ETS2: variants seen among roughly 807,000 people sequenced by gnomAD.
ETS2 encodes protein C-ets-2.
In ETS2, 19 loss-of-function variants were observed where a neutral mutation model predicts 54.9. The observed-to-expected ratio is 0.35, with a 90% CI of 0.24 to 0.51. The LOEUF (loss-of-function observed/expected upper bound fraction) is 0.51. Among genes scored for constraint, ETS2 ranks in the 20% least tolerant of loss-of-function variants. The pLI is 0.97. For missense variants in ETS2, 417 were observed against 593.0 expected, an observed-to-expected ratio of 0.70 and a Z score of 3.08; for synonymous variants, 219 against 229.3, an observed-to-expected ratio of 0.95 and a Z score of 0.41.
intron 9 of ETS2, among the ~76,000 whole-genome samples, chr21:38,822,096 T>G (rs1333621408): frequency 6.6e-6 from 1 of 152,096 alleles, no homozygotes; most frequent in Non-Finnish European, 1.5e-5. Context: ...AGCCCAGCAG[T>G]GTTGACCCCA....
At chr21:38,818,730 T>A (rs563439213) in intron 7 of ETS2, 84 bp downstream of exon 7, 2 of 1,479,468 alleles carry the variant, frequency 1.4e-6, no homozygotes, top group South Asian at 2.3e-5. Flanking sequence ...AATAAATACT[T>A]CCTGGATTCA....
chr21:38,810,221 T>C (rs1482107402), intron 2 of ETS2, 115 bp downstream of exon 2: 4 of 614,210 alleles, frequency 6.5e-6, no homozygotes, highest in Non-Finnish European at 1.1e-5. Context: ...TCTTAATTTA[T>C]TGGCCATGTG....
In ETS2 at chr21:38,810,518, T is replaced by C. The variant is rs150577069; in HGVS notation, c.72+412T>C. ...AGACAGACCCAACCGCTACAGCTCC[T>C]ATCAGAAAGGGCAGCGCCCGTGGAA... On this transcript the variant is annotated intron_variant, in intron 2 of 9. Coordinates refer to ENST00000360938, the MANE Select transcript of ETS2 (RefSeq NM_005239.6). Among the ~76,000 whole-genome samples the C allele has an allele frequency of 4.6e-5, 7 of 152,334 alleles. No individual in the cohort carries two copies. In the East Asian group the frequency reaches 1.4e-3, roughly 29 times the overall value.
rs1601432789 is a variant in ETS2, at chr21:38,821,163, C to G, written c.1076-423C>G. Among the ~76,000 whole-genome samples the G allele has an allele frequency of 1.3e-5, 2 of 152,138 alleles. No homozygotes were observed. The highest frequency in any genetic ancestry group is 6.5e-5 in the Admixed American group (1 of 15,268). On this transcript the variant is annotated intron_variant, in intron 8 of 9. Coordinates refer to ENST00000360938, the MANE Select transcript of ETS2 (RefSeq NM_005239.6). This position sits in a 1 kb window ranked among gnomAD's most constrained non-coding sequence, Gnocchi z 4.2. ...ACACGCCTCATTCTGTGATGAAACA[C>G]CCCCTCAGCCACCCCCATCTCTGCC...
Position 38,824,592 on chromosome 21 carries a change from C to T in ETS2, c.*1703C>T, listed in dbSNP as rs755517151. On this transcript the variant is annotated 3_prime_UTR_variant, in exon 10 of 10. Coordinates refer to ENST00000360938, the MANE Select transcript of ETS2 (RefSeq NM_005239.6). ...GCTGGGAAGAGCAAAGCCAGAGCTG[C>T]GCTGCCTCAATACCCACAAAAGACC... 2.0e-5 allele frequency: 3 copies of T among 152,300 alleles called. No homozygotes were observed. The highest frequency in any genetic ancestry group is 4.8e-5 in the African/African-American group (2 of 41,422). The allele number at this position is 152,300 out of a possible 1,614,324, so 9.4% of individuals were successfully genotyped here. A position where few individuals can be genotyped will look rare whatever the true frequency, so the allele number is the denominator to read the frequency against.
chr21:38,817,221 G>A (rs2060939129), intron 6 of ETS2, 130 bp downstream of exon 6: 2 of 612,292 alleles, frequency 3.3e-6, no homozygotes, highest in South Asian at 4.4e-5. Flanking sequence ...ACACGTGGGT[G>A]TTGAGCTATA....
At position 38,812,903 on chromosome 21, in the gene ETS2, C is replaced by T. The variant is rs541388017; in HGVS notation, c.73-100C>T. The T allele has an allele frequency of 3.3e-5, 25 of 769,090 alleles. No individual in the cohort carries two copies. In the African/African-American group the frequency reaches 4.3e-4, roughly 13 times the overall value. The allele number at this position is 769,090 out of a possible 1,614,324, so 47.6% of individuals were successfully genotyped here. On this transcript the variant is annotated intron_variant, in intron 2 of 9. Transcript: ENST00000360938. ...TTTGCTTCAAAATTGCCAGTTTAAT[C>T]AGGGACTATTGGTAGGATTGCCCAC... is the stretch of plus-strand genomic sequence containing the variant.
chr21:38,807,093 C>T lies in ETS2; in HGVS notation c.-1+973C>T, dbSNP rs139268695. Reference sequence around the variant, plus strand: ...CACCACCAATCAGAGAGATAAATCTCCACGTTAAGCTTTATTAAAATTCTG... The same window carrying T: ...CACCACCAATCAGAGAGATAAATCTTCACGTTAAGCTTTATTAAAATTCTG... On this transcript the variant is annotated intron_variant, in intron 1 of 9. Transcript: ENST00000360938. 2.0e-3 allele frequency among the ~76,000 whole-genome samples: 300 copies of T among 152,340 alleles called. 1 individual carries two copies. The highest frequency in any genetic ancestry group is 9.8e-3 in the Admixed American group (150 of 15,306).
rs1176734752 is a variant in ETS2, at chr21:38,817,028, G to A, written c.526G>A (p.Asp176Asn). The A allele has an allele frequency of 3.1e-6, 5 of 1,611,738 alleles. No individual in the cohort carries two copies. Among genetic ancestry groups the A allele is most frequent in the Non-Finnish European group, 4.2e-6 (5 of 1,178,052 alleles). The change falls in exon 6 of 10, where the codon GAT becomes AAT. Residue 176 changes from aspartate to asparagine, a missense_variant. By Grantham distance (23) the Asp-to-Asn change is conservative (BLOSUM62 1). Transcript: ENST00000360938. The stretch of plus-strand genomic sequence containing the variant: ...TTCAGAAAACCAAGAAAAGACAGAA[G>A]ATCAATATGAAGAAAATTCACACCT... Reference protein sequence around the residue: ...MIKENQEKTEDQYEENSHLTS... With the variant: ...MIKENQEKTENQYEENSHLTS...
At chr21:38,817,853 T>C (rs1161214565) in intron 6 of ETS2, among the ~76,000 whole-genome samples, 1 of 152,176 alleles carries the variant, frequency 6.6e-6, no homozygotes, top group Non-Finnish European at 1.5e-5. Context: ...TCTGCCCCAC[T>C]GGGGGCTTCC....
chr21:38,816,780 A>G (rs2060937141), intron 5 of ETS2, among the ~76,000 whole-genome samples: 1 of 152,244 alleles, frequency 6.6e-6, no homozygotes, highest in African/African-American at 2.4e-5. Context: ...TGCCAATGAC[A>G]TCATTCATTT....
Position 38,821,755 on chromosome 21 carries a change from C to A in ETS2, c.1194+51C>A. On this transcript the variant is annotated intron_variant, in intron 9 of 9. Coordinates refer to ENST00000360938, the MANE Select transcript of ETS2 (RefSeq NM_005239.6). This position sits in a 1 kb window ranked among gnomAD's most constrained non-coding sequence, Gnocchi z 4.2. ...CTGGGCTTGAAAACCTGATTTCCTG[C>A]TTGCATTCAAAAACTCAGTTCTTTG... 1.5e-6 allele frequency: 2 copies of A among 1,351,470 alleles called. No individual in the cohort carries two copies. Among genetic ancestry groups the A allele is most frequent in the Non-Finnish European group, 2.1e-6 (2 of 943,652 alleles). 83.7% of individuals were successfully genotyped at this position (1,351,470 alleles called of 1,614,324 possible). A position where few individuals can be genotyped will look rare whatever the true frequency, so the allele number is the denominator to read the frequency against.
chr21:38,806,207 G>C lies in ETS2; in HGVS notation c.-1+87G>C, dbSNP rs980527069. The C allele has an allele frequency of 5.0e-6, 5 of 992,780 alleles. No individual in the cohort carries two copies. The highest frequency in any genetic ancestry group is 6.0e-6 in the Non-Finnish European group (5 of 835,232). The allele number at this position is 992,780 out of a possible 1,614,324, so 61.5% of individuals were successfully genotyped here. On this transcript the variant is annotated intron_variant, in intron 1 of 9. Transcript: ENST00000360938. The surrounding 1 kb of genome is among the most constrained non-coding windows in gnomAD (Gnocchi z 4.3). ...GGGGCCTGGGCGGGGGTCGCGGGGG[G>C]CACTGACACGCAGATCTCGGGGCGC...
In ETS2 at chr21:38,814,155, C is replaced by T; in HGVS notation, c.185-118C>T. 9.8e-7 allele frequency: 1 copy of T among 1,024,280 alleles called. No homozygotes were observed. The highest frequency in any genetic ancestry group is 1.5e-6 in the Non-Finnish European group (1 of 684,208). The allele number at this position is 1,024,280 out of a possible 1,614,324, so 63.4% of individuals were successfully genotyped here. A position where few individuals can be genotyped will look rare whatever the true frequency, so the allele number is the denominator to read the frequency against. On this transcript the variant is annotated intron_variant, in intron 3 of 9. Transcript: ENST00000360938. The surrounding 1 kb of genome is among the most constrained non-coding windows in gnomAD (Gnocchi z 4.2). ...TAATAGTTACACTGTTTTAAGGAAT[C>T]ATGCCAAGGTTTGAGATCAAAATTG...
chr21:38,816,585 G>A (rs1244040641), intron 5 of ETS2, among the ~76,000 whole-genome samples: 2 of 152,132 alleles, frequency 1.3e-5, no homozygotes, highest in Admixed American at 1.3e-4. Flanking sequence ...CCACACCCTG[G>A]GGAAGCGTGC....
rs1200913036 is a variant in ETS2, at chr21:38,818,432, C to T, written c.597C>T (p.Gly199=). Residue 199 remains glycine (G), a synonymous_variant, in exon 7 of 10, where the codon GGC becomes GGT. Coordinates refer to ENST00000360938, the MANE Select transcript of ETS2 (RefSeq NM_005239.6). ...HWINSNTLGF[G]TEQAPYGMQT... Reference sequence around the variant, plus strand: ...CCGATTGTTCTGTTCCAGGTTTTGGCACAGAGCAGGCGCCCTATGGAATGC... The same window carrying T: ...CCGATTGTTCTGTTCCAGGTTTTGGTACAGAGCAGGCGCCCTATGGAATGC... 3 of 1,614,064 alleles carry T rather than the reference C, an allele frequency of 1.9e-6. No homozygotes were observed. In the South Asian group the frequency reaches 3.3e-5, roughly 18 times the overall value.
At chr21:38,811,384 T>G (rs2060913239) in intron 2 of ETS2, among the ~76,000 whole-genome samples, 1 of 152,228 alleles carries the variant, frequency 6.6e-6, no homozygotes, top group Admixed American at 6.5e-5. Context: ...TGGTCATCAT[T>G]GACTTGGATT....
At chr21:38,810,858 TC>T (rs2123409208) in intron 2 of ETS2, among the ~76,000 whole-genome samples, 1 of 152,342 alleles carries the variant, frequency 6.6e-6, no homozygotes, top group Non-Finnish European at 1.5e-5. Flanking sequence ...TATTACATTT[TC>T]CTTTGTATAT....
intron 9 of ETS2, 24 bp from the exon 10 acceptor site, chr21:38,822,650 C>T (rs767212657): frequency 1.3e-6 from 2 of 1,591,468 alleles, no homozygotes. Context: ...GAGTTTAACT[C>T]TTTTCCATCC....
Sources: gnomAD v4.1 joint callset for allele counts (sites outside exome capture counted in the v4.1 genomes callset) on GRCh38, gnomAD v4.1.1 for gene constraint, Gnocchi (gnomAD v3.1) non-coding constraint, MANE v1.5 for transcripts, NCBI Gene and HGNC (gene_info 2026-07-23, HGNC 2026-07-21) for gene names.